The following C1orf21 variants were observed in gnomAD, a reference collection of about 807,000 sequenced individuals.
C1orf21 encodes chromosome 1 open reading frame 21.
In C1orf21, 3 loss-of-function variants were observed where a neutral mutation model predicts 18.7. The ratio of observed to expected loss-of-function variants is 0.16; its 90% CI spans 0.07 to 0.42. The LOEUF (loss-of-function observed/expected upper bound fraction) is 0.42. C1orf21 is among the 10% of genes least tolerant of loss of function. The probability of loss-of-function intolerance (pLI) is 0.99; values close to 1 mark genes in which losing one functional copy is unlikely to be tolerated. For missense variants in C1orf21, 104 were observed against 143.6 expected (o/e 0.72, Z 1.41); for synonymous variants, 41 against 46.4 (o/e 0.88, Z 0.47).
intron 2 of C1orf21, among the ~76,000 whole-genome samples, chr1:184,499,568 G>T (rs991540785): frequency 6.6e-6 from 1 of 151,868 alleles, no homozygotes; most frequent in Non-Finnish European, 1.5e-5. Context: ...ATCTCTCTGT[G>T]ATTTACAAAG....
Position 184,477,386 on chromosome 1 carries a change from G to A in C1orf21, c.-124G>A. On this transcript the variant is annotated splice_region_variant and 5_prime_UTR_variant, in exon 2 of 6. In the 5' UTR this introduces an upstream ATG that the reference lacks. Transcript: ENST00000235307. ...CTAATCTAGCTTTCTTTTCTTGCAG[G>A]TGCACACATCTTGACCAACTCAGCA... 1 of 688,002 alleles carries A rather than the reference G, an allele frequency of 1.5e-6. No individual in the cohort carries two copies. 42.6% of individuals were successfully genotyped at this position (688,002 alleles called of 1,614,324 possible).
At chr1:184,546,245 G>A (rs1199338384) in intron 3 of C1orf21, among the ~76,000 whole-genome samples, 1 of 152,170 alleles carries the variant, frequency 6.6e-6, no homozygotes, top group Non-Finnish European at 1.5e-5. Flanking sequence ...GATGAGCCTG[G>A]CCAACATGGT....
At chr1:184,507,336 G>A (rs1289106175) in intron 2 of C1orf21, among the ~76,000 whole-genome samples, 1 of 152,146 alleles carries the variant, frequency 6.6e-6, no homozygotes, top group African/African-American at 2.4e-5. Flanking sequence ...GCTCTCTGTG[G>A]AAGGACCAGG....
chr1:184,431,043 T>C (rs1486472185), intron 1 of C1orf21, among the ~76,000 whole-genome samples: 4 of 152,168 alleles, frequency 2.6e-5, no homozygotes, highest in Non-Finnish European at 1.5e-5. Flanking sequence ...ATTCTCTTTG[T>C]AGCAATTGTG....
At chr1:184,537,176 A>C (rs930405460) in intron 3 of C1orf21, among the ~76,000 whole-genome samples, 1 of 152,160 alleles carries the variant, frequency 6.6e-6, no homozygotes, top group East Asian at 1.9e-4. Context: ...AGTTGTGTAC[A>C]GTTCAGTGAC....
chr1:184,577,459 T>C (rs1378050360), intron 3 of C1orf21, among the ~76,000 whole-genome samples: 1 of 152,152 alleles, frequency 6.6e-6, no homozygotes. Context: ...GAATGTGTGT[T>C]AATTTGTTAA....
intron 3 of C1orf21, among the ~76,000 whole-genome samples, chr1:184,573,325 A>C (rs182957755): frequency 6.6e-6 from 1 of 152,314 alleles, no homozygotes; most frequent in South Asian, 2.1e-4. Context: ...TGTTTTTAGT[A>C]GTGGTATTTC....
chr1:184,400,526 A>G (rs1031966772), intron 1 of C1orf21, among the ~76,000 whole-genome samples: 2 of 152,148 alleles, frequency 1.3e-5, no homozygotes, highest in Non-Finnish European at 2.9e-5. Flanking sequence ...TTTGTACTTA[A>G]CAGTATATTT....
chr1:184,431,791 C>T (rs1656769590), intron 1 of C1orf21, among the ~76,000 whole-genome samples: 1 of 152,014 alleles, frequency 6.6e-6, no homozygotes, highest in Non-Finnish European at 1.5e-5. Flanking sequence ...CAAACAACCT[C>T]ATCAAAAAGT....
At chr1:184,538,089 C>G (rs968418634) in intron 3 of C1orf21, among the ~76,000 whole-genome samples, 1 of 150,548 alleles carries the variant, frequency 6.6e-6, no homozygotes, top group African/African-American at 2.5e-5. Flanking sequence ...CAACAGTGTA[C>G]AAGAATTCTA....
intron 1 of C1orf21, among the ~76,000 whole-genome samples, chr1:184,437,940 G>T (rs374363290): frequency 6.6e-6 from 1 of 152,034 alleles, no homozygotes; most frequent in Non-Finnish European, 1.5e-5. Flanking sequence ...TCACAATAGG[G>T]TTTGCACTTC....
intron 3 of C1orf21, chr1:184,566,646 A>G (rs1659039255): frequency 7.7e-6 from 3 of 390,622 alleles, no homozygotes; most frequent in South Asian, 7.0e-5. Flanking sequence ...CTTTTGGGGC[A>G]TAGTATGTAA....
At chr1:184,438,730 G>C (rs1252813518) in intron 1 of C1orf21, among the ~76,000 whole-genome samples, 1 of 152,022 alleles carries the variant, frequency 6.6e-6, no homozygotes, top group African/African-American at 2.4e-5. Context: ...GCTGTGTTTT[G>C]GTCTTTCTTA....
At position 184,507,655 on chromosome 1, in the gene C1orf21, A is replaced by T. The variant is rs766558395; in HGVS notation, c.162A>T (p.Lys54Asn). The T allele has an allele frequency of 6.2e-7, 1 of 1,603,632 alleles. No homozygotes were observed. Among genetic ancestry groups the T allele is most frequent in the African/African-American group, 1.3e-5 (1 of 74,234 alleles). Residue 54 changes from lysine (K) to asparagine (N), a missense_variant, in exon 3 of 6, where the codon AAA becomes AAT. By Grantham distance (94) the Lys-to-Asn change is moderately conservative (BLOSUM62 0). Transcript: ENST00000235307. ...AAAATGGGGCAGAAGAAGAGCAGAA[A>T]ATAGCAGCCAGGAACCAAGAAAACT... is the stretch of plus-strand genomic sequence containing the variant. ...YMKNGAEEEQ[K>N]IAARNQENLE... is the part of the protein sequence containing the mutation.
Position 184,533,224 on chromosome 1 carries a change from G to A in C1orf21, c.189+25542G>A, listed in dbSNP as rs187366625. Reference sequence around the variant, plus strand: ...ACTCCTGCAGCTTCCTCTCTTGACTGCTCCCTGACCCCTCCCACCACATCC... The same window carrying A: ...ACTCCTGCAGCTTCCTCTCTTGACTACTCCCTGACCCCTCCCACCACATCC... On this transcript the variant is annotated intron_variant, in intron 3 of 5. Coordinates refer to ENST00000235307, the MANE Select transcript of C1orf21 (RefSeq NM_030806.4). 6.2e-4 allele frequency among the ~76,000 whole-genome samples: 94 copies of A among 151,956 alleles called. 1 individual carries two copies. The highest frequency in any genetic ancestry group is 2.0e-3 in the African/African-American group (83 of 41,410).
chr1:184,417,297 G>A (rs1052871727), intron 1 of C1orf21, among the ~76,000 whole-genome samples: 2 of 152,176 alleles, frequency 1.3e-5, no homozygotes, highest in Non-Finnish European at 2.9e-5. Flanking sequence ...AAAATTTAGA[G>A]CTGCTTCCAT....
intron 3 of C1orf21, among the ~76,000 whole-genome samples, chr1:184,560,134 G>A (rs1421228531): frequency 1.3e-5 from 2 of 152,082 alleles, no homozygotes; most frequent in Non-Finnish European, 2.9e-5. Context: ...TATTTAAGGG[G>A]TTAGCAAGAA....
intron 3 of C1orf21, chr1:184,566,459 A>T: frequency 4.1e-6 from 1 of 243,858 alleles, no homozygotes. Context: ...CATATATATG[A>T]ACTTGTTGTT....
intron 3 of C1orf21, among the ~76,000 whole-genome samples, chr1:184,539,404 G>A (rs1319925772): frequency 6.6e-6 from 1 of 152,116 alleles, no homozygotes; most frequent in Non-Finnish European, 1.5e-5. Flanking sequence ...GTATTTTGTT[G>A]AGGATTTTTG....
Sources: allele counts gnomAD v4.1 joint callset (sites outside exome capture counted in the v4.1 genomes callset), GRCh38; gene constraint gnomAD v4.1.1; transcripts MANE v1.5; gene names NCBI Gene and HGNC (gene_info 2026-07-23, HGNC 2026-07-21).